The following PTCD3 variants were observed in gnomAD, a reference collection of about 807,000 sequenced individuals.
The protein encoded by PTCD3 is pentatricopeptide repeat domain 3.
PTCD3 carries 89 observed loss-of-function variants against 101.9 expected under a neutral mutation model. The observed-to-expected ratio is 0.87, with a 90% confidence interval of 0.74 to 1.04. PTCD3 has a LOEUF of 1.04. Among genes scored for constraint, PTCD3 ranks in the 50% least tolerant of loss-of-function variants. PTCD3 has a pLI of 0.00. For synonymous variants in PTCD3, 296 were observed against 278.5 expected, an observed-to-expected ratio of 1.06 and a Z score of -0.63; for missense variants, 870 against 828.2, an observed-to-expected ratio of 1.05 and a Z score of -0.62.
Position 86,125,037 on chromosome 2 carries a change from GA to G in PTCD3, c.764del (p.Asn255MetfsTer8). 2 of 1,614,084 alleles carry G rather than the reference GA, an allele frequency of 1.2e-6. No individual in the cohort carries two copies. The highest frequency in any genetic ancestry group is 1.7e-6 in the Non-Finnish European group (2 of 1,180,020). Reference protein sequence around the residue: ...AERIFSLMPEKNEHSYCTMIR... With the variant: ...AERIFSLMPEXNEHSYCTMIR... ...AGAGAATCTTTTCTCTAATGCCAGA[GA>G]AAAATGAACATTCCTATTGCACAAT... On this transcript the variant is annotated frameshift_variant, in exon 10 of 24. Coordinates refer to ENST00000254630, the MANE Select transcript of PTCD3 (RefSeq NM_017952.6). LOFTEE classifies it high-confidence loss of function.
intron 16 of PTCD3, 95 bp from the exon 17 acceptor site, chr2:86,132,223 C>A: frequency 1.5e-6 from 1 of 686,618 alleles, no homozygotes; most frequent in Non-Finnish European, 2.4e-6. Context: ...GTTGAATCAA[C>A]ATTATTTTCA....
In PTCD3 at chr2:86,132,355, T is replaced by TC. The variant is rs774544138; in HGVS notation, c.1304_1305insC (p.His436ThrfsTer16). Reference sequence around the variant, plus strand: ...AGAGATCTAGAACTTGCCTACCAAGTACATGGCCTTTTAAAAACCGGAGAC... The same window carrying TC: ...AGAGATCTAGAACTTGCCTACCAAGTCACATGGCCTTTTAAAAACCGGAGAC... On this transcript the variant is annotated frameshift_variant, in exon 17 of 24. Coordinates refer to ENST00000254630, the MANE Select transcript of PTCD3 (RefSeq NM_017952.6). LOFTEE classifies it high-confidence loss of function. 1 of 1,609,234 alleles carries TC rather than the reference T, an allele frequency of 6.2e-7. No homozygotes were observed. The highest frequency in any genetic ancestry group is 1.7e-5 in the Admixed American group (1 of 59,866).
Position 86,139,634 on chromosome 2 carries a change from C to T in PTCD3, c.*2075C>T, listed in dbSNP as rs1674649817. 1.3e-5 allele frequency: 2 copies of T among 152,138 alleles called. No homozygotes were observed. The highest frequency in any genetic ancestry group is 2.1e-4 in the South Asian group (1 of 4,828). The allele number at this position is 152,138 out of a possible 1,614,324, so 9.4% of individuals were successfully genotyped here. A position where few individuals can be genotyped will look rare whatever the true frequency, so the allele number is the denominator to read the frequency against. On this transcript the variant is annotated 3_prime_UTR_variant, in exon 24 of 24. Transcript: ENST00000254630. ...CCTGGGTAACAGTGAGACCCCCCTC[C>T]CTACAAAAGATTTTAATAATTAGTT...
rs918588927 is a variant in PTCD3, at chr2:86,139,398, G to A, written c.*1839G>A. 1 of 152,318 alleles carries A rather than the reference G, an allele frequency of 6.6e-6. No individual in the cohort carries two copies. The highest frequency in any genetic ancestry group is 2.4e-5 in the African/African-American group (1 of 41,432). 9.4% of individuals were successfully genotyped at this position (152,318 alleles called of 1,614,324 possible). Reference sequence around the variant, plus strand: ...GTGTCCCAGCTAATTGGGAGGGTGAGTTGGGAGGATTGTTTGAGCCTAGGA... The same window carrying A: ...GTGTCCCAGCTAATTGGGAGGGTGAATTGGGAGGATTGTTTGAGCCTAGGA... On this transcript the variant is annotated 3_prime_UTR_variant, in exon 24 of 24. Coordinates refer to ENST00000254630, the MANE Select transcript of PTCD3 (RefSeq NM_017952.6).
In PTCD3 at chr2:86,108,254, A is replaced by G. The variant is rs557866147; in HGVS notation, c.105-96A>G. On this transcript the variant is annotated intron_variant, in intron 1 of 23. Coordinates refer to ENST00000254630, the MANE Select transcript of PTCD3 (RefSeq NM_017952.6). ...CATGAGTTATCCAGTTTAATCCGTG[A>G]TAATTGGAGAATTTGGGCTCAAAGT... 9 of 1,370,228 alleles carry G rather than the reference A, an allele frequency of 6.6e-6. No homozygotes were observed. In the South Asian group the frequency reaches 1.3e-4, roughly 19 times the overall value. 84.9% of individuals were successfully genotyped at this position (1,370,228 alleles called of 1,614,324 possible).
Position 86,117,972 on chromosome 2 carries a change from T to A in PTCD3, c.414+813T>A, listed in dbSNP as rs540085208. ...TTATAGTTTTAGTAGAGACGGGGTT[T>A]TACCATCTTGGCCAGGCTGGTCTTG... On this transcript the variant is annotated intron_variant, in intron 6 of 23. Transcript: ENST00000254630. Among the ~76,000 whole-genome samples, 38 of 152,250 alleles carry A rather than the reference T, an allele frequency of 2.5e-4. 1 individual carries two copies. The highest frequency in any genetic ancestry group is 9.1e-4 in the African/African-American group (38 of 41,558).
chr2:86,123,669 C>T, intron 8 of PTCD3, 32 bp from the exon 9 acceptor site: 1 of 1,527,740 alleles, frequency 6.5e-7, no homozygotes, highest in Non-Finnish European at 8.9e-7. Context: ...ATTGCCTTAA[C>T]TTTTATTTCT....
chr2:86,108,371 C>T lies in PTCD3; in HGVS notation c.126C>T (p.Thr42=), dbSNP rs760428441. ...RSCRFYSGSA[T]LSKVEGTDVT... is the part of the protein sequence containing the mutation. ...GCAGATTTTATTCTGGTAGTGCAAC[C>T]CTCTCAAAGGTTGAAGGAACTGATG... is the stretch of plus-strand genomic sequence containing the variant. The change falls in exon 2 of 24, where the codon ACC becomes ACT. Residue 42 remains threonine (T), a synonymous_variant. Transcript: ENST00000254630. 15 of 1,607,780 alleles carry T rather than the reference C, an allele frequency of 9.3e-6. No homozygotes were observed. The highest frequency in any genetic ancestry group is 1.3e-5 in the African/African-American group (1 of 74,468).
chr2:86,137,438 A>C lies in PTCD3; in HGVS notation c.1980-31A>C, dbSNP rs114997802. On this transcript the variant is annotated intron_variant, in intron 23 of 23. Transcript: ENST00000254630. ...GAACCCCAGCACCCAGTTGAATTGC[A>C]GTGTAATCCTCCATTTTCTTTTCTT... 2,339 of 1,613,024 alleles carry C rather than the reference A, an allele frequency of 1.5e-3. 23 individuals are homozygous for C. In the African/African-American group the frequency reaches 0.025, roughly 17 times the overall value.
chr2:86,106,897 TACAA>T (rs1401289209), intron 1 of PTCD3, among the ~76,000 whole-genome samples: 2 of 152,218 alleles, frequency 1.3e-5, no homozygotes, highest in African/African-American at 4.8e-5. Flanking sequence ...TTTCACTCAG[TACAA>T]ACAGTGGCAT....
At chr2:86,109,979 T>C (rs1157183688) in intron 3 of PTCD3, among the ~76,000 whole-genome samples, 1 of 152,212 alleles carries the variant, frequency 6.6e-6, no homozygotes, top group Non-Finnish European at 1.5e-5. Context: ...ACCAAATTCA[T>C]CGTGGAGAGG....
chr2:86,127,189 A>C lies in PTCD3; in HGVS notation c.980A>C (p.Lys327Thr), dbSNP rs746789934. ...CTGCTAAGACACATGGTTGCACAGA[A>C]GGTGAAACCAAATCTTCAGACTTTT... ...LELLRHMVAQ[K>T]VKPNLQTFNT... The change falls in exon 13 of 24, where the codon AAG becomes ACG. Residue 327 changes from lysine to threonine, a missense_variant. Lys to Thr is a moderately conservative substitution (Grantham distance 78). Coordinates refer to ENST00000254630, the MANE Select transcript of PTCD3 (RefSeq NM_017952.6). The C allele has an allele frequency of 1.2e-6, 2 of 1,613,276 alleles. No individual in the cohort carries two copies. The highest frequency in any genetic ancestry group is 1.7e-5 in the Admixed American group (1 of 59,946).
chr2:86,125,599 C>T, intron 11 of PTCD3, 84 bp downstream of exon 11: 3 of 1,351,626 alleles, frequency 2.2e-6, no homozygotes, highest in African/African-American at 1.4e-5. Flanking sequence ...GTGCCTCAGT[C>T]ATTGGCCTAC....
Position 86,127,974 on chromosome 2 carries a change from G to A in PTCD3, c.1130G>A (p.Arg377His), listed in dbSNP as rs769046054. The change falls in exon 14 of 24, where the codon CGC becomes CAC. Residue 377 changes from arginine to histidine, a missense_variant. Physicochemically the swap from Arg to His is conservative, Grantham distance 29 (BLOSUM62 0). Coordinates refer to ENST00000254630, the MANE Select transcript of PTCD3 (RefSeq NM_017952.6). The stretch of plus-strand genomic sequence containing the variant: ...CTTGCAACATATCACCATATTATTC[G>A]CCTGTTTGATCAACCTGGTATGTAT... ...PSLATYHHII[R>H]LFDQPGDPLK... 6.2e-6 allele frequency: 10 copies of A among 1,609,552 alleles called. No homozygotes were observed. In the African/African-American group the frequency reaches 6.7e-5, roughly 11 times the overall value.
Position 86,137,090 on chromosome 2 carries a change from G to T in PTCD3, c.1929G>T (p.Glu643Asp). The T allele has an allele frequency of 1.2e-6, 2 of 1,611,694 alleles. No individual in the cohort carries two copies. The highest frequency in any genetic ancestry group is 1.7e-6 in the Non-Finnish European group (2 of 1,179,238). Residue 643 changes from glutamate to aspartate, a missense_variant, in exon 23 of 24, where the codon GAG (glutamate) becomes GAT (aspartate). Transcript: ENST00000254630. ...GTGCCTTCAGCTTACCTATTTGTGA[G>T]GGCCTCACCCAGAGAGTAATGAGTG... ...LASAFSLPIC[E>D]GLTQRVMSDF...
chr2:86,117,393 G>A (rs1461106028), intron 6 of PTCD3, among the ~76,000 whole-genome samples: 1 of 150,878 alleles, frequency 6.6e-6, no homozygotes, highest in Admixed American at 6.6e-5. Flanking sequence ...CATGCTCTTA[G>A]GTCTTTAATT....
At chr2:86,118,326 A>G (rs900267815) in intron 6 of PTCD3, among the ~76,000 whole-genome samples, 2 of 152,140 alleles carry the variant, frequency 1.3e-5, no homozygotes, top group Non-Finnish European at 2.9e-5. Flanking sequence ...GTGGTGAGCA[A>G]AACAGATGCG....
At chr2:86,131,032 T>C (rs1324137623) in intron 15 of PTCD3, 46 bp from the exon 16 acceptor site, 3 of 1,572,310 alleles carry the variant, frequency 1.9e-6, no homozygotes, top group South Asian at 1.2e-5. Context: ...CTTGAAAATA[T>C]ATTTTATCCA....
In PTCD3 at chr2:86,133,377, ATCT is replaced by A. The variant is rs1459621086; in HGVS notation, c.1488_1490del (p.Leu497del). ...TTTCCCCACTCCCAAACAATGATAC[ATCT>A]TCTCCAAGCATTGGATGTGGCCAAT... is the stretch of plus-strand genomic sequence containing the variant. On this transcript the variant is annotated inframe_deletion, in exon 19 of 24. Coordinates refer to ENST00000254630, the MANE Select transcript of PTCD3 (RefSeq NM_017952.6). 2.5e-6 allele frequency: 4 copies of A among 1,614,048 alleles called. No individual in the cohort carries two copies. The highest frequency in any genetic ancestry group is 1.7e-6 in the Non-Finnish European group (2 of 1,180,006).
Sources: gnomAD v4.1 joint callset for allele counts (sites outside exome capture counted in the v4.1 genomes callset) on GRCh38, gnomAD v4.1.1 for gene constraint, MANE v1.5 for transcripts, NCBI Gene and HGNC (gene_info 2026-07-23, HGNC 2026-07-21) for gene names.